Variants in CDH20 observed in about 807,000 individuals in gnomAD.
CDH20 encodes the protein cadherin-20.
CDH20 carries 29 observed loss-of-function variants against 74.2 expected under a neutral mutation model. The ratio of observed to expected loss-of-function variants is 0.39; its 90% CI spans 0.29 to 0.53. The LOEUF (loss-of-function observed/expected upper bound fraction) is 0.53, where lower values mean the gene tolerates loss of function less well. Among genes scored for constraint, CDH20 ranks in the 20% least tolerant of loss-of-function variants. The pLI is 0.69. For missense variants in CDH20, 988 were observed against 1,048.3 expected (o/e 0.94, Z 0.79); for synonymous variants, 469 against 405.4 (o/e 1.16, Z -1.88).
intron 1 of CDH20, among the ~76,000 whole-genome samples, chr18:61,361,457 G>A (rs868494647): frequency 6.6e-6 from 1 of 152,196 alleles, no homozygotes; most frequent in Admixed American, 6.5e-5. Flanking sequence ...GCTGAACTAA[G>A]ATCATCTAAG....
chr18:61,367,895 GT>G (rs1193386658), intron 1 of CDH20, among the ~76,000 whole-genome samples: 7 of 152,018 alleles, frequency 4.6e-5, no homozygotes, highest in African/African-American at 1.7e-4. Flanking sequence ...TTCTCTTTGT[GT>G]TTTGTATCAT....
At chr18:61,500,092 G>T (rs1911313573) in intron 3 of CDH20, among the ~76,000 whole-genome samples, 1 of 95,500 alleles carries the variant, frequency 1.0e-5, no homozygotes, top group Non-Finnish European at 1.9e-5. Context: ...GACAGAGTGA[G>T]ACTCCATCTT....
chr18:61,376,632 CAT>C (rs1280713645), intron 1 of CDH20, among the ~76,000 whole-genome samples: 3 of 151,996 alleles, frequency 2.0e-5, no homozygotes, highest in Non-Finnish European at 4.4e-5. Flanking sequence ...TAAAAATAAA[CAT>C]ATTAAAAACC....
intron 7 of CDH20, among the ~76,000 whole-genome samples, chr18:61,531,085 A>G (rs1443779842): frequency 6.6e-6 from 1 of 152,114 alleles, no homozygotes; most frequent in African/African-American, 2.4e-5. Flanking sequence ...TACACCTTTA[A>G]TTTTTCTCCT....
chr18:61,370,130 A>G (rs1461205334), intron 1 of CDH20, among the ~76,000 whole-genome samples: 3 of 152,262 alleles, frequency 2.0e-5, no homozygotes, highest in Admixed American at 2.0e-4. Flanking sequence ...GTGACTAAAA[A>G]TTGCTGCTCT....
intron 1 of CDH20, among the ~76,000 whole-genome samples, chr18:61,440,965 A>G (rs1335440481): frequency 6.6e-6 from 1 of 152,176 alleles, no homozygotes; most frequent in African/African-American, 2.4e-5. Flanking sequence ...AGGAAAGGGT[A>G]AGAAATTGCA....
chr18:61,350,674 A>G (rs1341320144), intron 1 of CDH20, among the ~76,000 whole-genome samples: 1 of 152,160 alleles, frequency 6.6e-6, no homozygotes, highest in African/African-American at 2.4e-5. Flanking sequence ...ATAGTCGTCT[A>G]TTTCTTGCTC....
At chr18:61,451,246 T>C (rs948655976) in intron 1 of CDH20, among the ~76,000 whole-genome samples, 1 of 152,054 alleles carries the variant, frequency 6.6e-6, no homozygotes, top group African/African-American at 2.4e-5. Flanking sequence ...TATGAAAGCC[T>C]ACTGTCAAAT....
At chr18:61,389,187 A>G (rs1911694223) in intron 1 of CDH20, among the ~76,000 whole-genome samples, 1 of 152,150 alleles carries the variant, frequency 6.6e-6, no homozygotes, top group African/African-American at 2.4e-5. Context: ...GCTCCAGAAA[A>G]CCTTTCATAC....
chr18:61,474,617 T>C (rs1391760679), intron 1 of CDH20, among the ~76,000 whole-genome samples: 1 of 152,230 alleles, frequency 6.6e-6, no homozygotes, highest in African/African-American at 2.4e-5. Context: ...GTTATATTGC[T>C]GAATCGTTGT....
chr18:61,458,547 C>T (rs1028576595), intron 1 of CDH20, among the ~76,000 whole-genome samples: 18 of 152,146 alleles, frequency 1.2e-4, no homozygotes, highest in Non-Finnish European at 2.1e-4. Flanking sequence ...CCACAAACCC[C>T]TTTGATTCTG....
chr18:61,358,875 G>A (rs1173804238), intron 1 of CDH20, among the ~76,000 whole-genome samples: 1 of 152,032 alleles, frequency 6.6e-6, no homozygotes, highest in East Asian at 1.9e-4. Flanking sequence ...TGGTTTCCCT[G>A]TTTTATAAGC....
intron 9 of CDH20, 50 bp downstream of exon 9, chr18:61,539,195 A>G (rs1912938312): frequency 1.3e-6 from 2 of 1,590,994 alleles, no homozygotes; most frequent in African/African-American, 2.7e-5. Flanking sequence ...AACTTCTGGA[A>G]ACAATTGTTA....
intron 1 of CDH20, among the ~76,000 whole-genome samples, chr18:61,351,326 G>A (rs1910297743): frequency 6.6e-6 from 1 of 152,130 alleles, no homozygotes; most frequent in Non-Finnish European, 1.5e-5. Context: ...TGTAGTCTCA[G>A]GTGGGGGTTC....
chr18:61,502,505 T>C (rs1911417567), intron 4 of CDH20, among the ~76,000 whole-genome samples: 1 of 152,202 alleles, frequency 6.6e-6, no homozygotes, highest in Admixed American at 6.5e-5. Flanking sequence ...AGAAGAGCCA[T>C]TCACACTACA....
At chr18:61,363,903 T>G (rs1410806456) in intron 1 of CDH20, among the ~76,000 whole-genome samples, 1 of 152,136 alleles carries the variant, frequency 6.6e-6, no homozygotes, top group East Asian at 1.9e-4. Context: ...GGGTGAATTT[T>G]TATATTGTTT....
chr18:61,522,713 A>G (rs1054088015), intron 6 of CDH20, among the ~76,000 whole-genome samples: 1 of 152,228 alleles, frequency 6.6e-6, no homozygotes, highest in Non-Finnish European at 1.5e-5. Context: ...GTACCAAAAC[A>G]GATATATAGA....
chr18:61,418,068 A>C (rs994260894), intron 1 of CDH20, among the ~76,000 whole-genome samples: 19 of 152,254 alleles, frequency 1.2e-4, no homozygotes, highest in African/African-American at 3.9e-4. Flanking sequence ...GAATATCATA[A>C]GTTAAAAAGC....
At chr18:61,358,239 C>A (rs1339386518) in intron 1 of CDH20, among the ~76,000 whole-genome samples, 1 of 151,522 alleles carries the variant, frequency 6.6e-6, no homozygotes, top group Non-Finnish European at 1.5e-5. Context: ...CTCAGCCTCC[C>A]GAGTAGCTGG....
Sources: gnomAD v4.1 joint callset for allele counts (sites outside exome capture counted in the v4.1 genomes callset) on GRCh38, gnomAD v4.1.1 for gene constraint, MANE v1.5 for transcripts, NCBI Gene and HGNC (gene_info 2026-07-23, HGNC 2026-07-21) for gene names.